Variants in DDC observed in about 807,000 individuals in gnomAD.
The protein encoded by DDC is aromatic-L-amino-acid decarboxylase.
A neutral mutation model predicts 60.0 loss-of-function variants in DDC; 43 were observed. The observed-to-expected ratio is 0.72, with a 90% CI of 0.56 to 0.92. DDC has a LOEUF of 0.92. Among genes scored for constraint, DDC ranks in the 40% least tolerant of loss-of-function variants. The pLI is 0.00. For missense variants in DDC, 573 were observed against 620.2 expected, an observed-to-expected ratio of 0.92 and a Z score of 0.81; for synonymous variants, 232 against 234.6, an observed-to-expected ratio of 0.99 and a Z score of 0.10.
At chr7:50,526,583 TAAA>T (rs1272801182) in intron 6 of DDC, among the ~76,000 whole-genome samples, 1 of 152,032 alleles carries the variant, frequency 6.6e-6, no homozygotes, top group African/African-American at 2.4e-5. Context: ...TTGAGCCAAA[TAAA>T]AAACAAATAG....
intron 13 of DDC, among the ~76,000 whole-genome samples, chr7:50,464,082 C>T (rs2042343411): frequency 6.6e-6 from 1 of 151,984 alleles, no homozygotes; most frequent in Non-Finnish European, 1.5e-5. Context: ...CCTCCATCTC[C>T]CTTTGCTCCT....
chr7:50,469,878 C>T (rs2042488995), intron 12 of DDC, among the ~76,000 whole-genome samples, 195 bp downstream of exon 12: 1 of 151,596 alleles, frequency 6.6e-6, no homozygotes, highest in Non-Finnish European at 1.5e-5. Flanking sequence ...ACTCAGGAGG[C>T]TAAGGCAGGA....
chr7:50,558,196 C>T (rs1356325747), intron 1 of DDC, among the ~76,000 whole-genome samples: 3 of 151,960 alleles, frequency 2.0e-5, no homozygotes, highest in Non-Finnish European at 4.4e-5. Context: ...TGGCTTGAGA[C>T]AATTCGAATT....
At chr7:50,482,650 G>T (rs2042795261) in intron 9 of DDC, among the ~76,000 whole-genome samples, 1 of 152,078 alleles carries the variant, frequency 6.6e-6, no homozygotes, top group African/African-American at 2.4e-5. Context: ...TTGTGCTGAG[G>T]TCTAATATCG....
At chr7:50,539,453 C>T (rs968346335) in intron 3 of DDC, among the ~76,000 whole-genome samples, 1 of 152,098 alleles carries the variant, frequency 6.6e-6, no homozygotes, top group East Asian at 1.9e-4. Flanking sequence ...TTTCCAGAGA[C>T]CCCCCTGCTC....
intron 3 of DDC, chr7:50,539,688 C>T (rs2044548459): frequency 5.6e-6 from 3 of 534,910 alleles, no homozygotes; most frequent in South Asian, 1.9e-5. Flanking sequence ...CCAACACAGC[C>T]TGTGCAGAAT....
Position 50,474,571 on chromosome 7 carries a change from T to A in DDC, c.1041+2053A>T, listed in dbSNP as rs182492568. Among the ~76,000 whole-genome samples, 7 of 152,288 alleles carry A rather than the reference T, an allele frequency of 4.6e-5. No individual in the cohort carries two copies. In the East Asian group the frequency reaches 1.3e-3, roughly 29 times the overall value. Reference sequence around the variant, plus strand: ...GATTCTTGGTGAACGGTAGAAACTGTCTGAGGAGATCATGTTCCCTGAGCT... The same window carrying A: ...GATTCTTGGTGAACGGTAGAAACTGACTGAGGAGATCATGTTCCCTGAGCT... On this transcript the variant is annotated intron_variant, in intron 11 of 14. Transcript: ENST00000444124.
intron 4 of DDC, among the ~76,000 whole-genome samples, chr7:50,532,385 G>T (rs903109938): frequency 6.6e-6 from 1 of 152,198 alleles, no homozygotes; most frequent in South Asian, 2.1e-4. Flanking sequence ...CAAAAATGAG[G>T]TTGTCTTTAA....
intron 10 of DDC, among the ~76,000 whole-genome samples, chr7:50,479,101 G>C (rs1232063632): frequency 6.6e-6 from 1 of 152,230 alleles, no homozygotes; most frequent in Non-Finnish European, 1.5e-5. Flanking sequence ...ACTGGCCCAA[G>C]TCAAATGAGA....
intron 1 of DDC, among the ~76,000 whole-genome samples, chr7:50,555,284 C>T (rs1209375243): frequency 2.6e-5 from 4 of 152,108 alleles, no homozygotes; most frequent in Non-Finnish European, 5.9e-5. Flanking sequence ...GGTTTGGAGT[C>T]AGTGGGGGAG....
At chr7:50,543,813 A>G (rs1035763610) in intron 2 of DDC, 72 bp downstream of exon 2, 27 of 1,422,704 alleles carry the variant, frequency 1.9e-5, no homozygotes, top group Non-Finnish European at 2.5e-5. Flanking sequence ...AAAGTATGTG[A>G]ATTGCTCAGA....
At chr7:50,495,488 T>A in intron 8 of DDC, 71 bp from the exon 9 acceptor site, 1 of 1,225,552 alleles carries the variant, frequency 8.2e-7, no homozygotes, top group Non-Finnish European at 1.2e-6. Context: ...GAAGACCCCA[T>A]ACATGATAAT....
chr7:50,521,154 T>C (rs1349241294), intron 6 of DDC, among the ~76,000 whole-genome samples: 1 of 151,892 alleles, frequency 6.6e-6, no homozygotes, highest in Non-Finnish European at 1.5e-5. Flanking sequence ...ATTAAAAAGA[T>C]AATAAAGAAA....
chr7:50,538,664 G>A (rs1362835252), intron 3 of DDC, among the ~76,000 whole-genome samples: 19 of 152,214 alleles, frequency 1.2e-4, no homozygotes, highest in African/African-American at 4.6e-4. Flanking sequence ...TAGGGATGAG[G>A]TATCAGGCAA....
In DDC at chr7:50,539,223, C is replaced by G. The variant is rs116598975; in HGVS notation, c.315+692G>C. 1,476 of 155,246 alleles carry G rather than the reference C, an allele frequency of 9.5e-3. 21 individuals carry two copies. The highest frequency in any genetic ancestry group is 0.033 in the African/African-American group (1,359 of 41,590). The allele number at this position is 155,246 out of a possible 1,614,324, so 9.6% of individuals were successfully genotyped here. On this transcript the variant is annotated intron_variant, in intron 3 of 14. Transcript: ENST00000444124. ...CAGCCCCTGGCTTTTGAGGAACTCC[C>G]CAGGGTGCAGCAGCCCTCGGACACT...
In DDC at chr7:50,463,430, C is replaced by T. The variant is rs780538527; in HGVS notation, c.1244G>A (p.Gly415Asp). The T allele has an allele frequency of 9.9e-6, 16 of 1,613,920 alleles. No individual in the cohort carries two copies. Among genetic ancestry groups the T allele is most frequent in the African/African-American group, 9.3e-5 (7 of 75,024 alleles). Residue 415 changes from glycine (G) to aspartate (D), a missense_variant and splice_region_variant, in exon 14 of 15, where the codon GGT becomes GAT. Coordinates refer to ENST00000444124, the MANE Select transcript of DDC (RefSeq NM_001082971.2). Reference protein sequence around the residue: ...ILGLVCFRLKGSNKVNEALLQ... With the variant: ...ILGLVCFRLKDSNKVNEALLQ... Reference sequence around the variant, plus strand: ...AAGAGCTTCATTCACTTTGTTGGAACCCTGGAGGGATTGAAAGAGAGGAAC... The same window carrying T: ...AAGAGCTTCATTCACTTTGTTGGAATCCTGGAGGGATTGAAAGAGAGGAAC...
At chr7:50,490,077 C>A (rs2042967620) in intron 9 of DDC, among the ~76,000 whole-genome samples, 1 of 152,152 alleles carries the variant, frequency 6.6e-6, no homozygotes, top group African/African-American at 2.4e-5. Context: ...TTTACAATGG[C>A]CTCTGTGTGA....
chr7:50,487,174 T>C (rs377658386), intron 9 of DDC, among the ~76,000 whole-genome samples: 6 of 152,204 alleles, frequency 3.9e-5, no homozygotes, highest in Non-Finnish European at 5.9e-5. Flanking sequence ...TTCTAATTAA[T>C]TGGCCTAAAG....
chr7:50,523,992 A>G (rs1432856075), intron 6 of DDC, among the ~76,000 whole-genome samples: 1 of 152,256 alleles, frequency 6.6e-6, no homozygotes, highest in Non-Finnish European at 1.5e-5. Flanking sequence ...CAACAATAAA[A>G]AGAAATAAAC....
Sources: gnomAD v4.1 joint callset for allele counts (sites outside exome capture counted in the v4.1 genomes callset) on GRCh38, gnomAD v4.1.1 for gene constraint, MANE v1.5 for transcripts, NCBI Gene and HGNC (gene_info 2026-07-23, HGNC 2026-07-21) for gene names.